ZNF385D: variants seen among roughly 807,000 people sequenced by gnomAD.
ZNF385D encodes the protein zinc finger protein 659.
ZNF385D carries 15 observed loss-of-function variants against 35.8 expected under a neutral mutation model. The observed-to-expected ratio is 0.42, with a 90% CI of 0.28 to 0.64. ZNF385D has a LOEUF of 0.64. Among genes scored for constraint, ZNF385D ranks in the 30% least tolerant of loss-of-function variants. The pLI, the probability that ZNF385D is intolerant of heterozygous loss-of-function variation, is 0.23. For synonymous variants in ZNF385D, 212 were observed against 186.8 expected (o/e 1.13, Z -1.10); for missense variants, 474 against 494.6 (o/e 0.96, Z 0.39).
intron 3 of ZNF385D, among the ~76,000 whole-genome samples, chr3:21,904,432 A>G (rs1156357489): frequency 6.6e-6 from 1 of 152,094 alleles, no homozygotes; most frequent in African/African-American, 2.4e-5. Context: ...GGATTACTGA[A>G]TATGTATTTT....
intron 2 of ZNF385D, among the ~76,000 whole-genome samples, chr3:22,287,344 G>T (rs1020487862): frequency 2.6e-5 from 4 of 151,690 alleles, no homozygotes; most frequent in African/African-American, 9.7e-5. Flanking sequence ...CTTTCTTATT[G>T]CAAATCTTAA....
chr3:22,344,123 T>G (rs983416335), intron 2 of ZNF385D, among the ~76,000 whole-genome samples: 5 of 151,692 alleles, frequency 3.3e-5, no homozygotes, highest in African/African-American at 1.2e-4. Context: ...ACCGTTCCAT[T>G]TGGCCTCTTG....
At chr3:22,126,062 C>T (rs1195954470) in intron 3 of ZNF385D, among the ~76,000 whole-genome samples, 1 of 151,744 alleles carries the variant, frequency 6.6e-6, no homozygotes, top group Non-Finnish European at 1.5e-5. Flanking sequence ...TAATATATGC[C>T]TTTATTTTGT....
chr3:21,994,174 CCTGGACAT>C (rs1695320762), intron 3 of ZNF385D, among the ~76,000 whole-genome samples: 1 of 152,140 alleles, frequency 6.6e-6, no homozygotes, highest in African/African-American at 2.4e-5. Context: ...CAGGTGTGTT[CCTGGACAT>C]CTGGTAGGCT....
intron 6 of ZNF385D, among the ~76,000 whole-genome samples, chr3:21,424,317 A>ATATATATATTTATATATATATATATAT (rs1221923155): frequency 1.6e-5 from 1 of 63,814 alleles, no homozygotes; most frequent in Non-Finnish European, 2.7e-5. Context: ...ATATATATAT[A>ATATATATATTTATATATATATATATAT]TTTTTTTTTT....
At chr3:21,854,654 T>C (rs1470478628) in intron 3 of ZNF385D, among the ~76,000 whole-genome samples, 1 of 151,984 alleles carries the variant, frequency 6.6e-6, no homozygotes, top group African/African-American at 2.4e-5. Context: ...TTGGGATTTA[T>C]TATTTCTTAT....
chr3:22,315,012 T>A (rs567119752), intron 2 of ZNF385D, among the ~76,000 whole-genome samples: 130 of 152,246 alleles, frequency 8.5e-4, no homozygotes, highest in African/African-American at 3.1e-3. Context: ...CCCATGTTTA[T>A]GCAAAGCACT....
chr3:21,989,676 TA>T (rs1200487055), intron 3 of ZNF385D, among the ~76,000 whole-genome samples: 1 of 136,310 alleles, frequency 7.3e-6, no homozygotes, highest in Non-Finnish European at 1.6e-5. Context: ...TCCACAATAA[TA>T]ATAAAAAAAA....
chr3:22,068,386 C>T (rs547329229), intron 3 of ZNF385D, among the ~76,000 whole-genome samples: 2 of 152,234 alleles, frequency 1.3e-5, no homozygotes, highest in African/African-American at 4.8e-5. Flanking sequence ...ACCCGAGATA[C>T]TGTCCTTAAG....
chr3:21,971,678 A>C (rs189458857), intron 3 of ZNF385D, among the ~76,000 whole-genome samples: 9 of 151,830 alleles, frequency 5.9e-5, no homozygotes, highest in Admixed American at 4.6e-4. Context: ...TAGCTGAATG[A>C]ATAAAAAAAA....
chr3:22,138,275 C>G (rs1327699508), intron 3 of ZNF385D, among the ~76,000 whole-genome samples: 1 of 152,226 alleles, frequency 6.6e-6, no homozygotes, highest in East Asian at 1.9e-4. Flanking sequence ...CCATCCCCAT[C>G]AAGCTACCAA....
chr3:21,540,997 G>A (rs1260589325), intron 3 of ZNF385D, among the ~76,000 whole-genome samples: 1 of 152,186 alleles, frequency 6.6e-6, no homozygotes, highest in Non-Finnish European at 1.5e-5. Context: ...TTTAAAATGA[G>A]GTTTGGTAGG....
chr3:22,349,517 A>G (rs1695819915), intron 2 of ZNF385D, among the ~76,000 whole-genome samples: 1 of 152,182 alleles, frequency 6.6e-6, no homozygotes, highest in Non-Finnish European at 1.5e-5. Flanking sequence ...CTGAACATTT[A>G]CTCTTCAAGA....
At chr3:22,350,301 G>T (rs1374991653) in intron 2 of ZNF385D, among the ~76,000 whole-genome samples, 1 of 152,108 alleles carries the variant, frequency 6.6e-6, no homozygotes, top group Non-Finnish European at 1.5e-5. Context: ...AAAAGGAAAA[G>T]ATGTATGGTT....
At chr3:21,671,069 G>A (rs190057969) in intron 1 of ZNF385D, among the ~76,000 whole-genome samples, 2 of 152,092 alleles carry the variant, frequency 1.3e-5, no homozygotes, top group Admixed American at 1.3e-4. Context: ...CCCACGGAGA[G>A]GCATAAAGCT....
upstream of ZNF385D, among the ~76,000 whole-genome samples, chr3:21,756,174 T>C (rs1345609284): frequency 6.6e-6 from 1 of 152,058 alleles, no homozygotes; most frequent in Admixed American, 6.5e-5. Context: ...TTTGTAGTAA[T>C]CCAGGAAAGA....
chr3:21,650,802 C>T (rs1473911843), intron 2 of ZNF385D, among the ~76,000 whole-genome samples: 1 of 152,052 alleles, frequency 6.6e-6, no homozygotes, highest in Non-Finnish European at 1.5e-5. Context: ...TTTCTGAGAC[C>T]AGTGTGTTTG....
chr3:21,872,362 TTATTCTTA>T (rs1171106910), intron 3 of ZNF385D, among the ~76,000 whole-genome samples: 1 of 152,204 alleles, frequency 6.6e-6, no homozygotes, highest in Non-Finnish European at 1.5e-5. Context: ...ATCTTTTCTA[TTATTCTTA>T]TATTCCTAGC....
chr3:22,166,975 C>G (rs1323067173), intron 3 of ZNF385D, among the ~76,000 whole-genome samples: 1 of 152,168 alleles, frequency 6.6e-6, no homozygotes, highest in Non-Finnish European at 1.5e-5. Flanking sequence ...GTAGATTTTT[C>G]TTAAGAAGTC....
Sources: allele counts gnomAD v4.1 joint callset (sites outside exome capture counted in the v4.1 genomes callset), GRCh38; gene constraint gnomAD v4.1.1; transcripts MANE v1.5; gene names NCBI Gene and HGNC (gene_info 2026-07-23, HGNC 2026-07-21).